TLL1: variants seen among roughly 807,000 people sequenced by gnomAD.
TLL1 encodes the protein tolloid like 1.
TLL1 carries 49 observed loss-of-function variants against 128.2 expected under a neutral mutation model. That is an observed-to-expected ratio of 0.38 (90% CI 0.30 to 0.48). The LOEUF is 0.48. Ranked by LOEUF, TLL1 falls within the 20% of genes least tolerant of loss-of-function variation. The probability of loss-of-function intolerance (pLI) is 0.96; values close to 1 mark genes in which losing one functional copy is unlikely to be tolerated. For missense variants in TLL1, 1,123 were observed against 1,242.0 expected (o/e 0.90, Z 1.44); for synonymous variants, 454 against 418.8 (o/e 1.08, Z -1.03).
intron 1 of TLL1, among the ~76,000 whole-genome samples, chr4:165,916,145 T>G (rs1256377711): frequency 1.3e-5 from 2 of 152,074 alleles, no homozygotes; most frequent in African/African-American, 4.8e-5. Flanking sequence ...GATCAGATGA[T>G]TTTCACCCGT....
chr4:166,074,848 A>G, intron 16 of TLL1, 30 bp from the exon 17 acceptor site: 1 of 1,611,816 alleles, frequency 6.2e-7, no homozygotes, highest in Non-Finnish European at 8.5e-7. Context: ...AAAGTTACTT[A>G]CTAGACTATG....
chr4:165,904,733 T>G (rs954483267), intron 1 of TLL1, among the ~76,000 whole-genome samples: 12 of 152,220 alleles, frequency 7.9e-5, no homozygotes, highest in Non-Finnish European at 1.6e-4. Flanking sequence ...GCCACGGATT[T>G]AAGAAAATCT....
At position 165,940,305 on chromosome 4, in the gene TLL1, A is replaced by C. The variant is rs114559390; in HGVS notation, c.170-49076A>C. Reference sequence around the variant, plus strand: ...TTTCTTCAAAGTTGTATGTGATTACATTCAATGTTTCCATTCCATCACTGC... The same window carrying C: ...TTTCTTCAAAGTTGTATGTGATTACCTTCAATGTTTCCATTCCATCACTGC... On this transcript the variant is annotated intron_variant, in intron 1 of 20. Coordinates refer to ENST00000061240, the MANE Select transcript of TLL1 (RefSeq NM_012464.5). Among the ~76,000 whole-genome samples, 482 of 152,124 alleles carry C rather than the reference A, an allele frequency of 3.2e-3. 1 individual carries two copies. The highest frequency in any genetic ancestry group is 5.6e-3 in the Non-Finnish European group (380 of 67,916).
intron 1 of TLL1, among the ~76,000 whole-genome samples, chr4:165,955,246 GA>G (rs1734727224): frequency 6.6e-6 from 1 of 151,576 alleles, no homozygotes; most frequent in South Asian, 2.1e-4. Context: ...TAAAAAGAAA[GA>G]AAAAAGAAAT....
chr4:165,989,265 A>C (rs1736525362), intron 1 of TLL1, 116 bp from the exon 2 acceptor site: 4 of 753,576 alleles, frequency 5.3e-6, no homozygotes, highest in Admixed American at 4.5e-5. Flanking sequence ...TTTCTGAAAG[A>C]TCTGTCTCTA....
intron 12 of TLL1, among the ~76,000 whole-genome samples, chr4:166,050,087 AGTT>A (rs1208340401): frequency 2.0e-5 from 3 of 152,202 alleles, no homozygotes; most frequent in African/African-American, 7.2e-5. Context: ...CATCTTAACC[AGTT>A]GTTAAGTGTA....
intron 18 of TLL1, among the ~76,000 whole-genome samples, chr4:166,080,310 C>T (rs1741228730): frequency 6.6e-6 from 1 of 152,084 alleles, no homozygotes; most frequent in African/African-American, 2.4e-5. Flanking sequence ...GTTTATTTAA[C>T]CTTAATTACC....
At chr4:166,065,556 T>A (rs1408215850) in intron 15 of TLL1, 127 bp from the exon 16 acceptor site, 1 of 976,014 alleles carries the variant, frequency 1.0e-6, no homozygotes, top group Non-Finnish European at 1.5e-6. Flanking sequence ...ATTTTTTTCC[T>A]TACCTGTTAG....
At chr4:165,905,533 G>C (rs554805999) in intron 1 of TLL1, among the ~76,000 whole-genome samples, 3 of 151,998 alleles carry the variant, frequency 2.0e-5, no homozygotes, top group Admixed American at 6.6e-5. Flanking sequence ...ATTCTTCCTG[G>C]TTATTGTGAT....
intron 1 of TLL1, among the ~76,000 whole-genome samples, chr4:165,917,817 G>A (rs911369915): frequency 6.6e-6 from 1 of 152,090 alleles, no homozygotes; most frequent in African/African-American, 2.4e-5. Flanking sequence ...CTGCTTTTCA[G>A]TTTCCTCCCT....
intron 1 of TLL1, among the ~76,000 whole-genome samples, chr4:165,904,327 T>A (rs1732149201): frequency 6.6e-6 from 1 of 152,142 alleles, no homozygotes; most frequent in South Asian, 2.1e-4. Flanking sequence ...TGTGTTCAGG[T>A]CTCTTGGTTT....
At chr4:165,900,344 A>ATT (rs1731919330) in intron 1 of TLL1, among the ~76,000 whole-genome samples, 1 of 152,024 alleles carries the variant, frequency 6.6e-6, no homozygotes. Context: ...GGTCTTTACA[A>ATT]TTTGGTATGT....
chr4:166,066,653 G>A (rs1740588627), intron 16 of TLL1, among the ~76,000 whole-genome samples: 1 of 151,678 alleles, frequency 6.6e-6, no homozygotes, highest in Admixed American at 6.6e-5. Context: ...GTCCTCATGT[G>A]TTTAAAATTA....
intron 1 of TLL1, among the ~76,000 whole-genome samples, chr4:165,881,528 T>C (rs1382038742): frequency 1.3e-5 from 2 of 152,182 alleles, no homozygotes; most frequent in Non-Finnish European, 2.9e-5. Context: ...TTGTTGAGAA[T>C]GCCTCTTGCT....
At chr4:166,014,399 G>T in intron 7 of TLL1, 37 bp from the exon 8 acceptor site, 1 of 1,610,634 alleles carries the variant, frequency 6.2e-7, no homozygotes. Flanking sequence ...GTTTTCATTT[G>T]GTGACTTAGG....
Position 166,063,269 on chromosome 4 carries a change from T to G in TLL1, c.2008-2414T>G, listed in dbSNP as rs556877138. ...TCATCATCACTGGCCATCAGAGAAATGCAAATCAAAACCACAATGAGATAC... is the reference window on the plus strand; with the variant it reads ...TCATCATCACTGGCCATCAGAGAAAGGCAAATCAAAACCACAATGAGATAC... On this transcript the variant is annotated intron_variant, in intron 15 of 20. Coordinates refer to ENST00000061240, the MANE Select transcript of TLL1 (RefSeq NM_012464.5). Among the ~76,000 whole-genome samples, 119 of 152,188 alleles carry G rather than the reference T, an allele frequency of 7.8e-4. 1 individual carries two copies. The highest frequency in any genetic ancestry group is 2.8e-3 in the African/African-American group (115 of 41,524).
intron 1 of TLL1, among the ~76,000 whole-genome samples, chr4:165,919,124 G>C (rs192437907): frequency 5.0e-4 from 76 of 152,232 alleles, no homozygotes; most frequent in Non-Finnish European, 7.5e-4. Flanking sequence ...GCTCACACCT[G>C]TAGTCCCAGC....
At chr4:165,936,364 C>G (rs1294377259) in intron 1 of TLL1, among the ~76,000 whole-genome samples, 2 of 151,322 alleles carry the variant, frequency 1.3e-5, no homozygotes, top group Non-Finnish European at 3.0e-5. Context: ...GAATTACAGG[C>G]ATGCGCCACC....
At chr4:165,997,622 A>G (rs758667331) in intron 5 of TLL1, among the ~76,000 whole-genome samples, 13 of 152,152 alleles carry the variant, frequency 8.5e-5, no homozygotes, top group Non-Finnish European at 1.8e-4. Context: ...AACATTAACT[A>G]TTGTTTCCCA....
Sources: gnomAD v4.1 joint callset for allele counts (sites outside exome capture counted in the v4.1 genomes callset) on GRCh38, gnomAD v4.1.1 for gene constraint, MANE v1.5 for transcripts, NCBI Gene and HGNC (gene_info 2026-07-23, HGNC 2026-07-21) for gene names.